LIFR: variants seen among roughly 807,000 people sequenced by gnomAD.
LIFR encodes leukemia inhibitory factor receptor.
LIFR carries 84 observed loss-of-function variants against 122.2 expected under a neutral mutation model. That is an observed-to-expected ratio of 0.69 (90% CI 0.58 to 0.82). The LOEUF is 0.82. Among genes scored for constraint, LIFR ranks in the 40% least tolerant of loss-of-function variants. The probability of loss-of-function intolerance (pLI) is 0.00; values close to 1 mark genes in which losing one functional copy is unlikely to be tolerated. For synonymous variants in LIFR, 422 were observed against 434.7 expected, an observed-to-expected ratio of 0.97 and a Z score of 0.36; for missense variants, 1,294 against 1,311.6, an observed-to-expected ratio of 0.99 and a Z score of 0.21.
intron 1 of LIFR, among the ~76,000 whole-genome samples, chr5:38,549,454 C>T (rs990879170): frequency 6.6e-6 from 1 of 152,076 alleles, no homozygotes; most frequent in Admixed American, 6.5e-5. Flanking sequence ...AATGAGTCCC[C>T]CTATTATTGA....
At chr5:38,512,798 C>T (rs1158582919) in intron 5 of LIFR, among the ~76,000 whole-genome samples, 1 of 152,062 alleles carries the variant, frequency 6.6e-6, no homozygotes, top group Non-Finnish European at 1.5e-5. Context: ...AACCTGTATA[C>T]CACTGCCTAA....
At chr5:38,486,105 C>G in intron 16 of LIFR, 125 bp from the exon 17 acceptor site, 1 of 807,136 alleles carries the variant, frequency 1.2e-6, no homozygotes, top group Non-Finnish European at 2.1e-6. Context: ...GCCAAGGACT[C>G]TGGAGCTGCC....
intron 1 of LIFR, among the ~76,000 whole-genome samples, chr5:38,563,392 G>A (rs928490111): frequency 6.6e-6 from 1 of 152,118 alleles, no homozygotes; most frequent in Non-Finnish European, 1.5e-5. Context: ...CTCTCAGGTT[G>A]GGAGATTAAT....
At chr5:38,524,808 C>T (rs1158515458) in intron 4 of LIFR, among the ~76,000 whole-genome samples, 2 of 152,166 alleles carry the variant, frequency 1.3e-5, no homozygotes, top group Admixed American at 6.5e-5. Context: ...TAGACAATTA[C>T]ATCTTCAAGG....
At chr5:38,601,502 C>T (rs1375581769) in intron 2 of LIFR, among the ~76,000 whole-genome samples, 1 of 152,124 alleles carries the variant, frequency 6.6e-6, no homozygotes, top group Non-Finnish European at 1.5e-5. Flanking sequence ...CAGGATTTCT[C>T]TCCTGGACCC....
chr5:38,521,911 C>A (rs1179907866), intron 5 of LIFR, among the ~76,000 whole-genome samples: 1 of 151,990 alleles, frequency 6.6e-6, no homozygotes, highest in East Asian at 1.9e-4. Context: ...TTCCTAGGTC[C>A]ATAGGCTGTA....
chr5:38,497,517 C>G lies in LIFR; in HGVS notation c.1672-922G>C, dbSNP rs192971502. Reference sequence around the variant, plus strand: ...AAGCACTGCTCTACTTAGCAACAAACAAAACATTTTAAAAAATAGCATCAT... The same window carrying G: ...AAGCACTGCTCTACTTAGCAACAAAGAAAACATTTTAAAAAATAGCATCAT... On this transcript the variant is annotated intron_variant, in intron 12 of 19. Transcript: ENST00000453190. Among the ~76,000 whole-genome samples, 14 of 152,298 alleles carry G rather than the reference C, an allele frequency of 9.2e-5. No homozygotes were observed. In the East Asian group the frequency reaches 2.7e-3, roughly 29 times the overall value.
rs59691211 is a variant in LIFR, at chr5:38,499,696, G to A, written c.1601-113C>T. ...TCTCAATAAAACGTGAAGCAGTTCAGTGGCTTCCACTTAGAAAATGAAGCA... is the reference window on the plus strand; with the variant it reads ...TCTCAATAAAACGTGAAGCAGTTCAATGGCTTCCACTTAGAAAATGAAGCA... On this transcript the variant is annotated intron_variant, in intron 11 of 19. Coordinates refer to ENST00000453190, the MANE Select transcript of LIFR (RefSeq NM_001127671.2). The A allele has an allele frequency of 8.0e-4, 623 of 777,258 alleles. 4 individuals carry two copies. In the African/African-American group the frequency reaches 9.1e-3, roughly 11 times the overall value. 48.1% of individuals were successfully genotyped at this position (777,258 alleles called of 1,614,324 possible).
rs1035689314 is a variant in LIFR, at chr5:38,481,795, C to T, written c.3094G>A (p.Ala1032Thr). 5 of 1,614,020 alleles carry T rather than the reference C, an allele frequency of 3.1e-6. No individual in the cohort carries two copies. The South Asian group carries it at 5.5e-5, about 18-fold the overall frequency. The change falls in exon 20 of 20, where the codon GCC becomes ACC. Residue 1032 changes from alanine to threonine, a missense_variant. Ala to Thr is a moderately conservative substitution (Grantham distance 58). Transcript: ENST00000453190. ...LDKTAGYRPQ[A>T]NVNTWNLVSP... Reference sequence around the variant, plus strand: ...ACTAAATTCCATGTATTTACATTGGCCTGAGGTCTGTAACCCGCAGTTTTA... The same window carrying T: ...ACTAAATTCCATGTATTTACATTGGTCTGAGGTCTGTAACCCGCAGTTTTA...
rs187542570 is a variant in LIFR at position 38,571,717 on chromosome 5, G to A, written c.-20+23544C>T. ...GTTTCTATGAGATGTTAAGCATAAAGTGAAAAAATATCCCATGGTCAATGA... is the reference window on the plus strand; with the variant it reads ...GTTTCTATGAGATGTTAAGCATAAAATGAAAAAATATCCCATGGTCAATGA... On this transcript the variant is annotated intron_variant, in intron 1 of 19. Coordinates refer to the LIFR transcript ENST00000263409. Among the ~76,000 whole-genome samples, 425 of 152,204 alleles carry A rather than the reference G, an allele frequency of 2.8e-3. 2 individuals carry two copies. The highest frequency in any genetic ancestry group is 9.9e-3 in the African/African-American group (410 of 41,534).
In LIFR at chr5:38,481,614, T is replaced by C. The variant is rs1460896687; in HGVS notation, c.3275A>G (p.Gln1092Arg). 11 of 1,614,012 alleles carry C rather than the reference T, an allele frequency of 6.8e-6. No individual in the cohort carries two copies. The highest frequency in any genetic ancestry group is 8.5e-6 in the Non-Finnish European group (10 of 1,180,000). ...GGGWSFTNFF[Q>R]NKPND ...ACACTGTTAATCGTTTGGTTTGTTCTGAAAAAAGTTTGTAAAGGACCACCC... is the reference window on the plus strand; with the variant it reads ...ACACTGTTAATCGTTTGGTTTGTTCCGAAAAAAGTTTGTAAAGGACCACCC... The change falls in exon 20 of 20, where the codon CAG becomes CGG. Residue 1092 changes from glutamine to arginine, a missense_variant. Transcript: ENST00000453190.
chr5:38,490,244 T>C lies in LIFR; in HGVS notation c.2113A>G (p.Arg705Gly), dbSNP rs1744510304. The C allele has an allele frequency of 6.3e-7, 1 of 1,587,860 alleles. No individual in the cohort carries two copies. The highest frequency in any genetic ancestry group is 1.7e-5 in the Admixed American group (1 of 59,532). The stretch of plus-strand genomic sequence containing the variant: ...CGTAATAATTGATATCCTTGATTTC[T>C]GCATCCATACAGGAAAAAATTATAT... ...IRYNFFLYGCRNQGYQLLRSM... is the reference protein window; with the variant it reads ...IRYNFFLYGCGNQGYQLLRSM... The change falls in exon 15 of 20, where the codon AGA (arginine) becomes GGA (glycine). Residue 705 changes from arginine to glycine, a missense_variant. Arg to Gly is a moderately radical substitution (Grantham distance 125). Transcript: ENST00000453190.
intron 1 of LIFR, among the ~76,000 whole-genome samples, chr5:38,575,277 A>G (rs973507026): frequency 1.3e-5 from 2 of 152,218 alleles, no homozygotes; most frequent in African/African-American, 4.8e-5. Flanking sequence ...TTGGAAGAGT[A>G]GTGATTGGAA....
At chr5:38,493,531 ACT>A in intron 14 of LIFR, 73 bp downstream of exon 14, 1 of 1,385,002 alleles carries the variant, frequency 7.2e-7, no homozygotes, top group African/African-American at 1.4e-5. Context: ...GAATCACTTC[ACT>A]GCACCCAGTC....
chr5:38,546,805 G>T (rs949521098), intron 1 of LIFR, among the ~76,000 whole-genome samples: 4 of 152,184 alleles, frequency 2.6e-5, no homozygotes, highest in African/African-American at 9.6e-5. Flanking sequence ...TTGAGTTTTT[G>T]ATCCCAGCAA....
At chr5:38,600,469 T>C (rs1026278585) in intron 2 of LIFR, among the ~76,000 whole-genome samples, 1 of 152,234 alleles carries the variant, frequency 6.6e-6, no homozygotes, top group African/African-American at 2.4e-5. Flanking sequence ...AGGACTGAAA[T>C]GTCTCTTTGG....
chr5:38,540,442 A>G (rs920550575), intron 1 of LIFR, among the ~76,000 whole-genome samples: 2 of 152,220 alleles, frequency 1.3e-5, no homozygotes, highest in African/African-American at 2.4e-5. Context: ...TGTTCAGAGA[A>G]CAAATGGAAA....
chr5:38,495,688 G>A (rs1403521203), intron 13 of LIFR, among the ~76,000 whole-genome samples: 2 of 152,196 alleles, frequency 1.3e-5, no homozygotes, highest in Admixed American at 1.3e-4. Flanking sequence ...AAGGTGGGTA[G>A]GCAGAAAATG....
At chr5:38,518,541 G>A (rs558882010) in intron 5 of LIFR, among the ~76,000 whole-genome samples, 23 of 152,254 alleles carry the variant, frequency 1.5e-4, no homozygotes, top group African/African-American at 5.1e-4. Flanking sequence ...ATGTCATAGT[G>A]CAACGTATTA....
Sources: allele counts gnomAD v4.1 joint callset (sites outside exome capture counted in the v4.1 genomes callset), GRCh38; gene constraint gnomAD v4.1.1; transcripts MANE v1.5; gene names NCBI Gene and HGNC (gene_info 2026-07-23, HGNC 2026-07-21).